RASAL2: variants seen among roughly 807,000 people sequenced by gnomAD.
RASAL2 encodes the protein RAS protein activator like 2.
RASAL2 carries 58 observed loss-of-function variants against 128.9 expected under a neutral mutation model. The observed-to-expected ratio is 0.45, with a 90% confidence interval of 0.36 to 0.56. The LOEUF (loss-of-function observed/expected upper bound fraction) is 0.56, where lower values mean the gene tolerates loss of function less well. Among genes scored for constraint, RASAL2 ranks in the 20% least tolerant of loss-of-function variants. RASAL2 has a pLI of 0.00. For synonymous variants in RASAL2, 561 were observed against 580.8 expected (o/e 0.97, Z 0.49); for missense variants, 1,360 against 1,601.6 (o/e 0.85, Z 2.57).
chr1:178,450,885 C>T (rs528182912), intron 9 of RASAL2, among the ~76,000 whole-genome samples: 2 of 152,040 alleles, frequency 1.3e-5, no homozygotes, highest in African/African-American at 4.8e-5. Context: ...ATGAAGTAGT[C>T]GAAGATATAC....
At chr1:178,293,946 C>T (rs945803237) in intron 2 of RASAL2, among the ~76,000 whole-genome samples, 27 of 152,068 alleles carry the variant, frequency 1.8e-4, no homozygotes, top group Non-Finnish European at 1.5e-5. Flanking sequence ...AGGAGTTTAC[C>T]TTGCAGATGT....
chr1:178,284,258 C>T (rs1666916442), intron 2 of RASAL2, among the ~76,000 whole-genome samples: 1 of 152,122 alleles, frequency 6.6e-6, no homozygotes, highest in Non-Finnish European at 1.5e-5. Context: ...TGTGGTTATG[C>T]ACAAAAGAAC....
At chr1:178,449,459 A>C (rs1419313201) in intron 9 of RASAL2, among the ~76,000 whole-genome samples, 1 of 152,162 alleles carries the variant, frequency 6.6e-6, no homozygotes, top group Admixed American at 6.5e-5. Flanking sequence ...TTTTTATGCC[A>C]GATAGTAATG....
At chr1:178,257,420 G>GAT (rs1491168992) in intron 1 of RASAL2, among the ~76,000 whole-genome samples, 3 of 116,138 alleles carry the variant, frequency 2.6e-5, no homozygotes, top group East Asian at 2.5e-4. Flanking sequence ...CTGGCTCAGG[G>GAT]ATATGTGTGT....
At chr1:178,103,440 A>G (rs1253929754) in intron 1 of RASAL2, among the ~76,000 whole-genome samples, 1 of 152,148 alleles carries the variant, frequency 6.6e-6, no homozygotes, top group Non-Finnish European at 1.5e-5. Flanking sequence ...GTAATTTTGA[A>G]AGATATTGCC....
chr1:178,129,172 T>C (rs1660006499), intron 1 of RASAL2, among the ~76,000 whole-genome samples: 1 of 152,184 alleles, frequency 6.6e-6, no homozygotes, highest in Admixed American at 6.5e-5. Context: ...AATTGTTTTC[T>C]ATAGCAGCTG....
intron 3 of RASAL2, among the ~76,000 whole-genome samples, chr1:178,343,806 C>A (rs1003094530): frequency 5.5e-5 from 8 of 144,354 alleles, no homozygotes; most frequent in Non-Finnish European, 1.1e-4. Context: ...AAAAAAAAAA[C>A]AATAAAAAGG....
intron 3 of RASAL2, among the ~76,000 whole-genome samples, chr1:178,365,133 A>T (rs1671331147): frequency 6.6e-6 from 1 of 152,046 alleles, no homozygotes; most frequent in South Asian, 2.1e-4. Flanking sequence ...GTATATATTA[A>T]ATATTCATAT....
At chr1:178,231,634 C>T (rs1484902043) in intron 1 of RASAL2, among the ~76,000 whole-genome samples, 2 of 152,034 alleles carry the variant, frequency 1.3e-5, no homozygotes, top group Non-Finnish European at 2.9e-5. Flanking sequence ...TACTCACTCA[C>T]AGTTTTTTTT....
At chr1:178,193,633 G>A (rs1662562511) in intron 1 of RASAL2, among the ~76,000 whole-genome samples, 1 of 151,524 alleles carries the variant, frequency 6.6e-6, no homozygotes, top group Non-Finnish European at 1.5e-5. Context: ...GCTAGCACAG[G>A]TAGTTGATAT....
intron 4 of RASAL2, among the ~76,000 whole-genome samples, chr1:178,407,078 G>T (rs1411392396): frequency 1.3e-5 from 2 of 152,128 alleles, no homozygotes; most frequent in Non-Finnish European, 2.9e-5. Flanking sequence ...TGTGATTTAT[G>T]ACAGAACCTT....
At chr1:178,319,622 C>G (rs1347798531) in intron 3 of RASAL2, among the ~76,000 whole-genome samples, 2 of 148,642 alleles carry the variant, frequency 1.3e-5, no homozygotes, top group Non-Finnish European at 2.9e-5. Context: ...ACGTAGTTCT[C>G]GAGCCTTGGT....
intron 1 of RASAL2, among the ~76,000 whole-genome samples, chr1:178,192,727 G>T (rs547600437): frequency 7.9e-5 from 12 of 152,278 alleles, no homozygotes; most frequent in African/African-American, 2.9e-4. Context: ...TTCAGTTTTT[G>T]ATCTGTATCT....
chr1:178,246,867 G>A (rs6679235), intron 1 of RASAL2, among the ~76,000 whole-genome samples: 13,300 of 152,094 alleles, frequency 0.087, 621 homozygotes, highest in Middle Eastern at 0.14. Flanking sequence ...GATGAATTAC[G>A]TTTATTGATT....
intron 2 of RASAL2, among the ~76,000 whole-genome samples, chr1:178,290,718 C>G (rs1363814862): frequency 1.3e-5 from 2 of 152,038 alleles, no homozygotes; most frequent in African/African-American, 4.8e-5. Flanking sequence ...CTATGTCACC[C>G]AGGCTGAAGT....
chr1:178,243,177 A>G (rs1664596217), intron 1 of RASAL2, among the ~76,000 whole-genome samples: 1 of 152,150 alleles, frequency 6.6e-6, no homozygotes, highest in Non-Finnish European at 1.5e-5. Flanking sequence ...TACAGTAGTG[A>G]GCTGTGCTTC....
At chr1:178,304,246 A>G (rs557955914) in intron 3 of RASAL2, among the ~76,000 whole-genome samples, 16 of 152,288 alleles carry the variant, frequency 1.1e-4, no homozygotes, top group African/African-American at 3.8e-4. Flanking sequence ...TCATTAGGCC[A>G]GGTGTGATGG....
chr1:178,312,092 C>G (rs1668283456), intron 3 of RASAL2, among the ~76,000 whole-genome samples: 1 of 151,858 alleles, frequency 6.6e-6, no homozygotes, highest in South Asian at 2.1e-4. Flanking sequence ...GAGGACCAGT[C>G]TAGGAAGTTG....
intron 1 of RASAL2, among the ~76,000 whole-genome samples, chr1:178,264,938 C>T (rs1436485650): frequency 1.3e-5 from 2 of 152,248 alleles, no homozygotes; most frequent in East Asian, 3.9e-4. Context: ...TAAGAGTCAA[C>T]TCATTAGTAT....
Sources: gnomAD v4.1 joint callset for allele counts (sites outside exome capture counted in the v4.1 genomes callset) on GRCh38, gnomAD v4.1.1 for gene constraint, MANE v1.5 for transcripts, NCBI Gene and HGNC (gene_info 2026-07-23, HGNC 2026-07-21) for gene names.